TMEM176A: variants seen among roughly 807,000 people sequenced by gnomAD.
TMEM176A encodes the protein hepatocellular carcinoma-associated antigen 112.
A neutral mutation model predicts 27.9 loss-of-function variants in TMEM176A; 20 were observed. That is an observed-to-expected ratio of 0.72 (90% CI 0.50 to 1.04). The LOEUF is 1.04. Among genes scored for constraint, TMEM176A ranks in the 50% least tolerant of loss-of-function variants. The pLI is 0.00. For synonymous variants in TMEM176A, 125 were observed against 118.0 expected (o/e 1.06, Z -0.38); for missense variants, 252 against 289.1 (o/e 0.87, Z 0.93).
At chr7:150,801,420 G>T (rs1108578) in intron 1 of TMEM176A, 116 bp from the exon 2 acceptor site, 228,216 of 1,034,828 alleles carry the variant, frequency 0.22, 32,067 homozygotes, top group East Asian at 0.7. Context: ...CTGTGACCAG[G>T]ACAGCCATTC....
Position 150,802,250 on chromosome 7 carries a change from C to T in TMEM176A, c.210C>T (p.Val70=). ...MQIVLGILSA[V]LGGFFYIRDY... Reference sequence around the variant, plus strand: ...TCGTGCTGGGGATCTTGAGTGCAGTCCTAGGAGGATTTTTCTACATCCGCG... The same window carrying T: ...TCGTGCTGGGGATCTTGAGTGCAGTTCTAGGAGGATTTTTCTACATCCGCG... Residue 70 remains valine, a synonymous_variant, in exon 3 of 7, where the codon GTC becomes GTT. Transcript: ENST00000004103. 1 of 1,613,602 alleles carries T rather than the reference C, an allele frequency of 6.2e-7. No individual in the cohort carries two copies.
At chr7:150,803,538 T>C (rs1798861178) in intron 4 of TMEM176A, 82 bp downstream of exon 4, 1 of 1,585,800 alleles carries the variant, frequency 6.3e-7, no homozygotes, top group African/African-American at 1.3e-5. Flanking sequence ...CAGGCTTCTC[T>C]GGGCCTTGCC....
In TMEM176A at chr7:150,802,224, A is replaced by G; in HGVS notation, c.184A>G (p.Ile62Val). The G allele has an allele frequency of 6.2e-7, 1 of 1,613,880 alleles. No individual in the cohort carries two copies. The highest frequency in any genetic ancestry group is 8.5e-7 in the Non-Finnish European group (1 of 1,179,938). The change falls in exon 3 of 7, where the codon ATC becomes GTC. Residue 62 changes from isoleucine (I) to valine (V), a missense_variant. Ile to Val is a conservative substitution (Grantham distance 29, BLOSUM62 3). Transcript: ENST00000004103. Reference sequence around the variant, plus strand: ...GTCCTTTGTCTTTCAGGTGATGCAGATCGTGCTGGGGATCTTGAGTGCAGT... The same window carrying G: ...GTCCTTTGTCTTTCAGGTGATGCAGGTCGTGCTGGGGATCTTGAGTGCAGT... ...RLLVASWVMQ[I>V]VLGILSAVLG... is the part of the protein sequence containing the mutation.
chr7:150,803,919 A>G lies in TMEM176A; in HGVS notation c.555+87A>G, dbSNP rs1798870831. ...GGCAAGAGTCAGGTTCTCCACCAGA[A>G]ATAGGTGTTACCTATTCTGCACCAA... On this transcript the variant is annotated intron_variant, in intron 5 of 6. Coordinates refer to ENST00000004103, the MANE Select transcript of TMEM176A (RefSeq NM_018487.3). 4.0e-5 allele frequency: 50 copies of G among 1,261,052 alleles called. No individual in the cohort carries two copies. In the South Asian group the frequency reaches 6.4e-4, roughly 16 times the overall value. 78.1% of individuals were successfully genotyped at this position (1,261,052 alleles called of 1,614,324 possible).
Position 150,804,864 on chromosome 7 carries a change from T to A in TMEM176A, c.704T>A (p.Ile235Asn), listed in dbSNP as rs769336064. ...AAGGAAATGTTGGAAGTGAGTGGAA[T>A]CTAGCCATGCCTCTCCTGATTATTA... ...DQKEMLEVSG[I>N] is the part of the protein sequence containing the mutation. Residue 235 changes from isoleucine to asparagine, a missense_variant, in exon 7 of 7, where the codon ATC becomes AAC. Physicochemically the swap from Ile to Asn is moderately radical, Grantham distance 149. Transcript: ENST00000004103. 1.2e-6 allele frequency: 2 copies of A among 1,614,200 alleles called. No individual in the cohort carries two copies. The highest frequency in any genetic ancestry group is 2.2e-5 in the South Asian group (2 of 91,086).
chr7:150,804,276 T>C, intron 5 of TMEM176A, 86 bp from the exon 6 acceptor site: 2 of 1,116,206 alleles, frequency 1.8e-6, no homozygotes, highest in Non-Finnish European at 2.7e-6. Flanking sequence ...GGGGTAGAGA[T>C]TTTCCCAGGT....
intron 3 of TMEM176A, 127 bp from the exon 4 acceptor site, chr7:150,803,273 A>T: frequency 7.1e-7 from 1 of 1,412,802 alleles, no homozygotes; most frequent in Non-Finnish European, 9.3e-7. Context: ...TACCATGGAT[A>T]ATAAAGCTTA....
Position 150,803,760 on chromosome 7 carries a change from T to C in TMEM176A, c.483T>C (p.Thr161=), listed in dbSNP as rs1283512813. Residue 161 remains threonine (T), a synonymous_variant, in exon 5 of 7, where the codon ACT becomes ACC. Coordinates refer to ENST00000004103, the MANE Select transcript of TMEM176A (RefSeq NM_018487.3). ...CRISSSSDWN[T]PAPTQSPEEV... Reference sequence around the variant, plus strand: ...TCTCCAGCTCGAGTGACTGGAACACTCCAGCCCCCACTCAGAGTCCAGAAG... The same window carrying C: ...TCTCCAGCTCGAGTGACTGGAACACCCCAGCCCCCACTCAGAGTCCAGAAG... 1.9e-6 allele frequency: 3 copies of C among 1,613,982 alleles called. No individual in the cohort carries two copies. Among genetic ancestry groups the C allele is most frequent in the African/African-American group, 1.3e-5 (1 of 74,880 alleles).
rs1584757339 is a variant in TMEM176A, at chr7:150,801,722, T to C, written c.172T>C (p.Trp58Arg). ...RGSSRLLVAS[W>R]VMQIVLGILS... is the part of the protein sequence containing the mutation. Reference sequence around the variant, plus strand: ...CAGCAGCCGGCTGCTGGTGGCCTCGTGGGTGAGTGTGACGGCCTGCCTCGT... The same window carrying C: ...CAGCAGCCGGCTGCTGGTGGCCTCGCGGGTGAGTGTGACGGCCTGCCTCGT... The change falls in exon 2 of 7, where the codon TGG (tryptophan) becomes CGG (arginine). Residue 58 changes from tryptophan (W) to arginine (R), a missense_variant and splice_region_variant. Transcript: ENST00000004103. 37 of 1,520,226 alleles carry C rather than the reference T, an allele frequency of 2.4e-5. No individual in the cohort carries two copies. The highest frequency in any genetic ancestry group is 3.2e-5 in the Non-Finnish European group (37 of 1,143,994). The allele number at this position is 1,520,226 out of a possible 1,614,324, so 94.2% of individuals were successfully genotyped here. A position where few individuals can be genotyped will look rare whatever the true frequency, so the allele number is the denominator to read the frequency against.
Position 150,800,829 on chromosome 7 carries a change from G to A in TMEM176A, c.-16+1G>A, listed in dbSNP as rs1798753909. On this transcript the variant is annotated splice_donor_variant, in intron 1 of 6. Coordinates refer to ENST00000004103, the MANE Select transcript of TMEM176A (RefSeq NM_018487.3). LOFTEE classifies it low-confidence loss of function (5UTR_SPLICE). ...CGCTCGCAGGTCCCGAGGAGCGCAG[G>A]TGAGGCGGCACCCCACTCCCGGCGG... 2.6e-6 allele frequency: 2 copies of A among 760,922 alleles called. No homozygotes were observed. The highest frequency in any genetic ancestry group is 3.2e-6 in the Non-Finnish European group (2 of 625,634). The allele number at this position is 760,922 out of a possible 1,614,324, so 47.1% of individuals were successfully genotyped here.
chr7:150,804,923 T>C lies in TMEM176A; in HGVS notation c.*55T>C. Reference sequence around the variant, plus strand: ...TGCTTCTGCACCGGGCGTCCCTGCATCTGACTGCTGGAAGAAGAACCAGAC... The same window carrying C: ...TGCTTCTGCACCGGGCGTCCCTGCACCTGACTGCTGGAAGAAGAACCAGAC... On this transcript the variant is annotated 3_prime_UTR_variant, in exon 7 of 7. Coordinates refer to ENST00000004103, the MANE Select transcript of TMEM176A (RefSeq NM_018487.3). 1 of 1,580,548 alleles carries C rather than the reference T, an allele frequency of 6.3e-7. No homozygotes were observed. Among genetic ancestry groups the C allele is most frequent in the Non-Finnish European group, 8.7e-7 (1 of 1,149,354 alleles).
Position 150,800,828 on chromosome 7 carries a change from G to A in TMEM176A, c.-16G>A. 1 of 755,466 alleles carries A rather than the reference G, an allele frequency of 1.3e-6. No homozygotes were observed. Among genetic ancestry groups the A allele is most frequent in the Non-Finnish European group, 1.6e-6 (1 of 620,596 alleles). The allele number at this position is 755,466 out of a possible 1,614,324, so 46.8% of individuals were successfully genotyped here. Reference sequence around the variant, plus strand: ...CCGCTCGCAGGTCCCGAGGAGCGCAGGTGAGGCGGCACCCCACTCCCGGCG... The same window carrying A: ...CCGCTCGCAGGTCCCGAGGAGCGCAAGTGAGGCGGCACCCCACTCCCGGCG... On this transcript the variant is annotated splice_region_variant and 5_prime_UTR_variant, in exon 1 of 7. Transcript: ENST00000004103.
chr7:150,801,805 C>T, intron 2 of TMEM176A, 81 bp downstream of exon 2: 1 of 1,318,666 alleles, frequency 7.6e-7, no homozygotes, highest in Non-Finnish European at 1.0e-6. Context: ...GCCAGCCTCC[C>T]TCTGAACAGG....
chr7:150,801,586 G>A lies in TMEM176A; in HGVS notation c.36G>A (p.Glu12=), dbSNP rs746851433. ...GTADSDEMAP[E]APQHTHIDVH... The stretch of plus-strand genomic sequence containing the variant: ...CCGACAGTGATGAGATGGCCCCGGA[G>A]GCCCCACAGCACACCCACATCGATG... The change falls in exon 2 of 7, where the codon GAG becomes GAA. Residue 12 remains glutamate, a synonymous_variant. Coordinates refer to ENST00000004103, the MANE Select transcript of TMEM176A (RefSeq NM_018487.3). 29 of 1,611,070 alleles carry A rather than the reference G, an allele frequency of 1.8e-5. 1 individual carries two copies. The highest frequency in any genetic ancestry group is 8.5e-6 in the Non-Finnish European group (10 of 1,179,220).
rs1798892993 is a variant in TMEM176A, at chr7:150,805,000, G to A, written c.*132G>A. ...CCAGTTATCCTGGCCCCATGACCGT[G>A]GCCACAGCCCTGCTCCAGCAGCACT... On this transcript the variant is annotated 3_prime_UTR_variant, in exon 7 of 7. Coordinates refer to ENST00000004103, the MANE Select transcript of TMEM176A (RefSeq NM_018487.3). 2.1e-6 allele frequency: 2 copies of A among 935,310 alleles called. No individual in the cohort carries two copies. The highest frequency in any genetic ancestry group is 2.7e-5 in the South Asian group (2 of 73,068). 57.9% of individuals were successfully genotyped at this position (935,310 alleles called of 1,614,324 possible).
intron 5 of TMEM176A, among the ~76,000 whole-genome samples, chr7:150,804,083 G>A (rs1254652053): frequency 1.3e-5 from 2 of 152,162 alleles, no homozygotes; most frequent in Non-Finnish European, 2.9e-5. Flanking sequence ...GTGCTGCAAA[G>A]GTGTTAAATG....
chr7:150,804,650 C>T, intron 6 of TMEM176A, 177 bp from the exon 7 acceptor site: 3 of 859,382 alleles, frequency 3.5e-6, no homozygotes, highest in Non-Finnish European at 5.5e-6. Flanking sequence ...TATCCCCAAC[C>T]AAGTGGCCCC....
chr7:150,803,927 T>A, intron 5 of TMEM176A, 95 bp downstream of exon 5: 9 of 1,146,888 alleles, frequency 7.8e-6, no homozygotes, highest in Non-Finnish European at 1.1e-5. Flanking sequence ...GAAATAGGTG[T>A]TACCTATTCT....
chr7:150,801,649 G>T lies in TMEM176A; in HGVS notation c.99G>T (p.Leu33=), dbSNP rs1289827491. 3 of 1,613,144 alleles carry T rather than the reference G, an allele frequency of 1.9e-6. No homozygotes were observed. Among genetic ancestry groups the T allele is most frequent in the Admixed American group, 1.7e-5 (1 of 60,002 alleles). ...IHQESALAKL[L]LTCCSALRPR... is the part of the protein sequence containing the mutation. Reference sequence around the variant, plus strand: ...AGGAGTCTGCCCTGGCCAAGCTCCTGCTCACCTGCTGCTCTGCGCTGCGGC... The same window carrying T: ...AGGAGTCTGCCCTGGCCAAGCTCCTTCTCACCTGCTGCTCTGCGCTGCGGC... The change falls in exon 2 of 7, where the codon CTG becomes CTT. Residue 33 remains leucine, a synonymous_variant. Coordinates refer to ENST00000004103, the MANE Select transcript of TMEM176A (RefSeq NM_018487.3).
Sources: allele counts gnomAD v4.1 joint callset (sites outside exome capture counted in the v4.1 genomes callset), GRCh38; gene constraint gnomAD v4.1.1; transcripts MANE v1.5; gene names NCBI Gene and HGNC (gene_info 2026-07-23, HGNC 2026-07-21).